Variants in TRPM1 observed in about 807,000 individuals in gnomAD.
The protein encoded by TRPM1 is transient receptor potential cation channel subfamily M member 1, also known as TRPM1-203 APA Isoform, Intron 10.
Under a neutral mutation model 149.4 loss-of-function variants are expected in TRPM1, and 113 were observed. That is an observed-to-expected ratio of 0.76 (90% CI 0.65 to 0.88). The LOEUF is 0.88. Among genes scored for constraint, TRPM1 ranks in the 40% least tolerant of loss-of-function variants. TRPM1 has a pLI of 0.00. For missense variants in TRPM1, 1,976 were observed against 2,038.7 expected, an observed-to-expected ratio of 0.97 and a Z score of 0.59; for synonymous variants, 741 against 759.5, an observed-to-expected ratio of 0.98 and a Z score of 0.40.
At chr15:31,052,458 T>C (rs1335177101) in intron 11 of TRPM1, among the ~76,000 whole-genome samples, 2 of 152,114 alleles carry the variant, frequency 1.3e-5, no homozygotes, top group South Asian at 2.1e-4. Context: ...ATCAAATACC[T>C]GAACATAAAA....
intron 1 of TRPM1, among the ~76,000 whole-genome samples, chr15:31,136,931 G>T (rs533295654): frequency 1.3e-5 from 2 of 152,194 alleles, no homozygotes; most frequent in South Asian, 4.2e-4. Flanking sequence ...GAAGGAACCT[G>T]AAAGAGAGAG....
rs1266950501 is a variant in TRPM1 at position 31,050,481 on chromosome 15, G to T, written c.1365C>A (p.Gly455=). The T allele has an allele frequency of 6.2e-7, 1 of 1,613,962 alleles. No individual in the cohort carries two copies. Among genetic ancestry groups the T allele is most frequent in the Non-Finnish European group, 8.5e-7 (1 of 1,179,990 alleles). ...CCTCTTTCACTTTCCCTTTCTTCTTGCCTTTCCCTTTTCCTCTTCCTCCCT... is the reference window on the plus strand; with the variant it reads ...CCTCTTTCACTTTCCCTTTCTTCTTTCCTTTCCCTTTTCCTCTTCCTCCCT... ...TTKGGRGKGK[G]KKKGKVKEEV... is the part of the protein sequence containing the mutation. Residue 455 remains glycine (G), a synonymous_variant, in exon 12 of 28, where the codon GGC becomes GGA. Coordinates refer to ENST00000256552, the MANE Select transcript of TRPM1 (RefSeq NM_001252024.2).
At chr15:31,019,521 C>A (rs1487840513) in intron 27 of TRPM1, among the ~76,000 whole-genome samples, 2 of 152,188 alleles carry the variant, frequency 1.3e-5, no homozygotes, top group Non-Finnish European at 2.9e-5. Context: ...CCTGCCTCAG[C>A]CTCCCGAGTG....
intron 1 of TRPM1, among the ~76,000 whole-genome samples, chr15:31,125,078 G>C (rs1191494192): frequency 6.6e-6 from 1 of 152,124 alleles, no homozygotes; most frequent in Non-Finnish European, 1.5e-5. Flanking sequence ...GGGAGACTGA[G>C]GTAGGAGAAT....
intron 27 of TRPM1, among the ~76,000 whole-genome samples, chr15:31,022,485 G>A (rs559067133): frequency 7.2e-5 from 11 of 152,126 alleles, no homozygotes; most frequent in African/African-American, 2.6e-4. Context: ...AATAAAAAAG[G>A]AGTTGTTTAT....
At chr15:31,093,058 C>T (rs1362954665) in intron 1 of TRPM1, among the ~76,000 whole-genome samples, 1 of 151,924 alleles carries the variant, frequency 6.6e-6, no homozygotes, top group Non-Finnish European at 1.5e-5. Flanking sequence ...GTCAGGAGTT[C>T]GAGACCAGCC....
intron 11 of TRPM1, among the ~76,000 whole-genome samples, chr15:31,055,742 G>C (rs778946081): frequency 3.3e-5 from 5 of 152,194 alleles, no homozygotes; most frequent in Non-Finnish European, 7.4e-5. Context: ...GGGAATTCCT[G>C]GGCAGTCCTC....
chr15:31,045,954 G>A (rs1430257086), intron 16 of TRPM1, among the ~76,000 whole-genome samples: 1 of 152,162 alleles, frequency 6.6e-6, no homozygotes, highest in African/African-American at 2.4e-5. Flanking sequence ...CGTAAGTGGT[G>A]TTCCTCTCTA....
intron 16 of TRPM1, among the ~76,000 whole-genome samples, chr15:31,044,993 T>C (rs371301693): frequency 1.3e-5 from 2 of 152,204 alleles, no homozygotes; most frequent in East Asian, 1.9e-4. Context: ...ATGGCTATTA[T>C]GAAGTAGTAT....
chr15:31,068,760 A>AG (rs1388258189), intron 4 of TRPM1, among the ~76,000 whole-genome samples: 1 of 150,570 alleles, frequency 6.6e-6, no homozygotes, highest in East Asian at 1.9e-4. Context: ...AAAAAAAAAA[A>AG]AAAAAAAAAG....
chr15:31,076,875 A>G, intron 3 of TRPM1, 30 bp downstream of exon 3: 5 of 1,501,668 alleles, frequency 3.3e-6, no homozygotes, highest in Non-Finnish European at 4.6e-6. Flanking sequence ...ACTGGTTTGG[A>G]TAATGTCTTA....
At chr15:31,051,343 G>A (rs921961345) in intron 11 of TRPM1, among the ~76,000 whole-genome samples, 3 of 152,174 alleles carry the variant, frequency 2.0e-5, no homozygotes, top group South Asian at 2.1e-4. Flanking sequence ...CTTACCAAAC[G>A]CTCCTGGTGG....
At chr15:31,121,947 G>A (rs2035886884) in intron 1 of TRPM1, among the ~76,000 whole-genome samples, 1 of 152,138 alleles carries the variant, frequency 6.6e-6, no homozygotes, top group Admixed American at 6.5e-5. Context: ...TCAAACTAGT[G>A]TATGAAATGT....
At chr15:31,005,604 A>G (rs990987239) in intron 27 of TRPM1, among the ~76,000 whole-genome samples, 2 of 152,210 alleles carry the variant, frequency 1.3e-5, no homozygotes, top group Non-Finnish European at 2.9e-5. Flanking sequence ...AGAAATTGTC[A>G]GTTGCTTGTT....
chr15:31,115,377 G>A (rs771869276), intron 1 of TRPM1, among the ~76,000 whole-genome samples: 1 of 152,156 alleles, frequency 6.6e-6, no homozygotes, highest in Non-Finnish European at 1.5e-5. Flanking sequence ...CATTCTCACA[G>A]CACGAAAAAG....
intron 21 of TRPM1, among the ~76,000 whole-genome samples, chr15:31,033,875 CA>C (rs1184818077): frequency 1.3e-5 from 2 of 152,116 alleles, no homozygotes; most frequent in African/African-American, 4.8e-5. Context: ...GAATGAGGCC[CA>C]GCTAGAAAAG....
chr15:31,095,651 C>T (rs2035359451), intron 1 of TRPM1, among the ~76,000 whole-genome samples: 1 of 151,978 alleles, frequency 6.6e-6, no homozygotes, highest in South Asian at 2.1e-4. Flanking sequence ...CACCACTGCA[C>T]TCCAGCCTGG....
chr15:31,128,428 T>C (rs1449190885), intron 1 of TRPM1, among the ~76,000 whole-genome samples: 2 of 152,218 alleles, frequency 1.3e-5, no homozygotes, highest in Non-Finnish European at 2.9e-5. Flanking sequence ...TCCTGACTCA[T>C]GAACCATAAG....
chr15:31,061,279 G>A (rs1353007709), intron 10 of TRPM1, among the ~76,000 whole-genome samples, 163 bp downstream of exon 10: 3 of 152,176 alleles, frequency 2.0e-5, no homozygotes, highest in Admixed American at 6.5e-5. Context: ...CAGAAACAGC[G>A]AGCCTTGTCA....
Sources: gnomAD v4.1 joint callset for allele counts (sites outside exome capture counted in the v4.1 genomes callset) on GRCh38, gnomAD v4.1.1 for gene constraint, MANE v1.5 for transcripts, NCBI Gene and HGNC (gene_info 2026-07-23, HGNC 2026-07-21) for gene names.